The following SLC17A5 variants were observed in gnomAD, a reference collection of about 807,000 sequenced individuals.
SLC17A5 encodes the protein solute carrier family 17 member 5, also known as sialin.
SLC17A5 carries 47 observed loss-of-function variants against 59.4 expected under a neutral mutation model. That is an observed-to-expected ratio of 0.79 (90% CI 0.63 to 1.01). SLC17A5 has a LOEUF of 1.01. SLC17A5 is among the 50% of genes least tolerant of loss of function. SLC17A5 has a pLI of 0.00. For missense variants in SLC17A5, 522 were observed against 595.5 expected, an observed-to-expected ratio of 0.88 and a Z score of 1.28; for synonymous variants, 202 against 210.7, an observed-to-expected ratio of 0.96 and a Z score of 0.36.
At chr6:73,596,168 TAC>T (rs1766790961) in intron 10 of SLC17A5, among the ~76,000 whole-genome samples, 1 of 152,056 alleles carries the variant, frequency 6.6e-6, no homozygotes. Context: ...TAGATAGATA[TAC>T]TTCAATAAAA....
In SLC17A5 at chr6:73,610,439, G is replaced by A. The variant is rs1265357673; in HGVS notation, c.1220C>T (p.Ser407Phe). 4 of 1,614,120 alleles carry A rather than the reference G, an allele frequency of 2.5e-6. No homozygotes were observed. The highest frequency in any genetic ancestry group is 3.3e-5 in the Admixed American group (2 of 60,006). Residue 407 changes from serine to phenylalanine, a missense_variant, in exon 9 of 11, where the codon TCT becomes TTT. Physicochemically the swap from Ser to Phe is radical, Grantham distance 155 (BLOSUM62 -2). This residue lies in a region of SLC17A5 where 153 missense variants were observed against 168.5 expected (regional missense o/e 0.91). Transcript: ENST00000355773. ...TISTTLGGFC[S>F]SGFSINHLDI... ...CAGATGGTTGATGCTAAATCCAGAA[G>A]AGCAAAAGCCTCCCAGTGTTGTTGA...
rs530611481 is a variant in SLC17A5 at position 73,618,974 on chromosome 6, G to A, written c.978+2830C>T. 2.6e-5 allele frequency among the ~76,000 whole-genome samples: 4 copies of A among 152,234 alleles called. No individual in the cohort carries two copies. The East Asian group carries it at 5.8e-4, about 22-fold the overall frequency. ...ACTCTTGAGCACAGGCAATCCGCCC[G>A]CCTCGGCTTCCCAAAGTGCTAGGTG... On this transcript the variant is annotated intron_variant, in intron 7 of 10. Transcript: ENST00000355773.
chr6:73,622,166 T>C (rs1180599593), intron 6 of SLC17A5, among the ~76,000 whole-genome samples: 1 of 152,190 alleles, frequency 6.6e-6, no homozygotes. Flanking sequence ...AAAAATATAT[T>C]AACTAGAAAG....
At chr6:73,652,383 C>T (rs1172284253) in intron 1 of SLC17A5, among the ~76,000 whole-genome samples, 1 of 152,128 alleles carries the variant, frequency 6.6e-6, no homozygotes, top group African/African-American at 2.4e-5. Flanking sequence ...ACTTTTCTAT[C>T]CACATCTCTG....
intron 4 of SLC17A5, among the ~76,000 whole-genome samples, chr6:73,637,717 C>A (rs1769086124): frequency 6.6e-6 from 1 of 152,100 alleles, no homozygotes; most frequent in Non-Finnish European, 1.5e-5. Context: ...CTTCTCCCTG[C>A]ATGAATGGTT....
intron 9 of SLC17A5, among the ~76,000 whole-genome samples, chr6:73,601,498 CGGGA>C (rs1767093305): frequency 7.9e-6 from 1 of 125,814 alleles, no homozygotes. Context: ...CCGCCCCGTC[CGGGA>C]GGGAGGTGGG....
chr6:73,642,829 A>C (rs1769349729), intron 2 of SLC17A5, among the ~76,000 whole-genome samples: 1 of 152,214 alleles, frequency 6.6e-6, no homozygotes, highest in Non-Finnish European at 1.5e-5. Flanking sequence ...AGAAAAAGAC[A>C]CAAAGCAAAC....
At chr6:73,626,101 G>A (rs583149) in intron 6 of SLC17A5, among the ~76,000 whole-genome samples, 24,873 of 152,134 alleles carry the variant, frequency 0.16, 3,140 homozygotes, top group African/African-American at 0.35. Context: ...AAAACTGAAT[G>A]TATTCTGAAG....
At chr6:73,637,461 G>A (rs1276207642) in intron 4 of SLC17A5, among the ~76,000 whole-genome samples, 2 of 152,132 alleles carry the variant, frequency 1.3e-5, no homozygotes, top group African/African-American at 4.8e-5. Flanking sequence ...CAACATAGCT[G>A]CAAGAATAAT....
At chr6:73,612,857 A>C (rs1767691410) in intron 8 of SLC17A5, among the ~76,000 whole-genome samples, 1 of 152,164 alleles carries the variant, frequency 6.6e-6, no homozygotes, top group African/African-American at 2.4e-5. Context: ...TTTGTGACTA[A>C]CCTGAGCAAC....
At chr6:73,651,261 G>C (rs377681887) in intron 1 of SLC17A5, among the ~76,000 whole-genome samples, 47 of 152,004 alleles carry the variant, frequency 3.1e-4, no homozygotes, top group Admixed American at 8.5e-4. Flanking sequence ...AGAAGTTAGA[G>C]ACCAGCCTTG....
chr6:73,647,838 C>T (rs186386892), intron 1 of SLC17A5, among the ~76,000 whole-genome samples: 9 of 152,306 alleles, frequency 5.9e-5, no homozygotes, highest in African/African-American at 1.9e-4. Context: ...GAGGACGAAG[C>T]GGGTGGATCA....
At chr6:73,601,937 G>A (rs1043345019) in intron 9 of SLC17A5, among the ~76,000 whole-genome samples, 1 of 152,132 alleles carries the variant, frequency 6.6e-6, no homozygotes, top group East Asian at 1.9e-4. Flanking sequence ...TCTGGGAGGT[G>A]TACCCAACAG....
At chr6:73,618,780 A>T (rs952577310) in intron 7 of SLC17A5, among the ~76,000 whole-genome samples, 2 of 152,078 alleles carry the variant, frequency 1.3e-5, no homozygotes, top group Non-Finnish European at 2.9e-5. Context: ...GCTGGAGTGC[A>T]GTGGTGTGAT....
intron 1 of SLC17A5, chr6:73,653,434 C>T: frequency 1.0e-6 from 1 of 985,398 alleles, no homozygotes; most frequent in East Asian, 1.1e-4. Context: ...TTCGTTCTTC[C>T]ACTGGGTCCC....
intron 1 of SLC17A5, chr6:73,645,585 G>A (rs1581991115): frequency 1.3e-5 from 8 of 599,048 alleles, no homozygotes; most frequent in South Asian, 1.5e-4. Flanking sequence ...TCAGGAGATC[G>A]AGACCATCCT....
At chr6:73,641,418 T>C (rs1285021191) in intron 3 of SLC17A5, among the ~76,000 whole-genome samples, 2 of 152,180 alleles carry the variant, frequency 1.3e-5, no homozygotes, top group Non-Finnish European at 1.5e-5. Context: ...TCTTCTCTCC[T>C]AAAGTATGAG....
chr6:73,595,774 G>A (rs1031640969), intron 10 of SLC17A5, among the ~76,000 whole-genome samples: 3 of 151,800 alleles, frequency 2.0e-5, no homozygotes, highest in East Asian at 1.9e-4. Flanking sequence ...GTGCAGTGGC[G>A]CAATCTCGGC....
At chr6:73,601,844 G>GCC (rs1767129726) in intron 9 of SLC17A5, among the ~76,000 whole-genome samples, 1 of 142,782 alleles carries the variant, frequency 7.0e-6, no homozygotes, top group Non-Finnish European at 1.5e-5. Flanking sequence ...CCGGCCAGCC[G>GCC]CCCCGTCCGG....
Sources: gnomAD v4.1 joint callset for allele counts (sites outside exome capture counted in the v4.1 genomes callset) on GRCh38, gnomAD v4.1.1 for gene constraint, gnomAD v4.1.1 regional missense constraint, MANE v1.5 for transcripts, NCBI Gene and HGNC (gene_info 2026-07-23, HGNC 2026-07-21) for gene names.